The following EXOC2 variants were observed in gnomAD, a reference collection of about 807,000 sequenced individuals.
EXOC2 encodes SEC5-like 1.
A neutral mutation model predicts 131.8 loss-of-function variants in EXOC2; 70 were observed. The ratio of observed to expected loss-of-function variants is 0.53; its 90% CI spans 0.44 to 0.65. The LOEUF is 0.65. Among genes scored for constraint, EXOC2 ranks in the 30% least tolerant of loss-of-function variants. The probability of loss-of-function intolerance (pLI) is 0.00; values close to 1 mark genes in which losing one functional copy is unlikely to be tolerated. For synonymous variants in EXOC2, 411 were observed against 398.4 expected (o/e 1.03, Z -0.38); for missense variants, 923 against 1,108.6 (o/e 0.83, Z 2.38).
chr6:599,288 T>C, intron 7 of EXOC2, 63 bp from the exon 8 acceptor site: 1 of 1,455,738 alleles, frequency 6.9e-7, no homozygotes, highest in Non-Finnish European at 9.2e-7. Context: ...AATGTGTAAC[T>C]GGGCACTAGA....
At chr6:669,345 T>C (rs911261553) in intron 1 of EXOC2, 2 of 152,320 alleles carry the variant, frequency 1.3e-5, no homozygotes, top group East Asian at 1.9e-4. Context: ...ATTCTGCCGG[T>C]CCTAACCAAA....
Position 573,946 on chromosome 6 carries a change from C to T in EXOC2, c.1319-1302G>A, listed in dbSNP as rs540550041. ...TTCTCCCTCCCAACTGTTCTTTACA[C>T]GTTTTTGGTTTTTACACAAACGAAA... is the stretch of plus-strand genomic sequence containing the variant. On this transcript the variant is annotated intron_variant, in intron 12 of 27. Coordinates refer to ENST00000230449, the MANE Select transcript of EXOC2 (RefSeq NM_018303.6). 6.6e-5 allele frequency among the ~76,000 whole-genome samples: 10 copies of T among 152,264 alleles called. No individual in the cohort carries two copies. In the South Asian group the frequency reaches 1.0e-3, roughly 16 times the overall value.
Position 486,274 on chromosome 6 carries a change from T to G in EXOC2, c.*397A>C, listed in dbSNP as rs1226923199. On this transcript the variant is annotated 3_prime_UTR_variant, in exon 28 of 28. Coordinates refer to ENST00000230449, the MANE Select transcript of EXOC2 (RefSeq NM_018303.6). ...CATAGCTTTCCAAATCTCGTATCAG[T>G]CAGTCTCTCCGTGTGTCGTGGGAGC... 1 of 165,934 alleles carries G rather than the reference T, an allele frequency of 6.0e-6. No homozygotes were observed. The highest frequency in any genetic ancestry group is 2.4e-5 in the African/African-American group (1 of 41,832). The allele number at this position is 165,934 out of a possible 1,614,324, so 10.3% of individuals were successfully genotyped here. A position where few individuals can be genotyped will look rare whatever the true frequency, so the allele number is the denominator to read the frequency against.
chr6:557,087 G>A (rs569176668), intron 17 of EXOC2, among the ~76,000 whole-genome samples: 1 of 152,120 alleles, frequency 6.6e-6, no homozygotes, highest in Non-Finnish European at 1.5e-5. Context: ...CTGAAAATAT[G>A]CCCAACCAAT....
intron 1 of EXOC2, among the ~76,000 whole-genome samples, chr6:653,790 C>A (rs968827028): frequency 3.9e-5 from 6 of 152,184 alleles, no homozygotes; most frequent in Non-Finnish European, 8.8e-5. Flanking sequence ...GAAGAAGATG[C>A]CATCTAGGAC....
intron 25 of EXOC2, among the ~76,000 whole-genome samples, chr6:492,997 C>T (rs554126531): frequency 6.6e-6 from 1 of 152,300 alleles, no homozygotes; most frequent in South Asian, 2.1e-4. Flanking sequence ...AAGTCAGTTT[C>T]CTGGGAGCTC....
At chr6:571,886 T>C (rs1581465117) in intron 13 of EXOC2, among the ~76,000 whole-genome samples, 1 of 152,354 alleles carries the variant, frequency 6.6e-6, no homozygotes, top group East Asian at 1.9e-4. Flanking sequence ...GAGGTGAGGT[T>C]AGAAAGTGAC....
At chr6:581,479 G>C (rs983989880) in intron 11 of EXOC2, among the ~76,000 whole-genome samples, 2 of 152,164 alleles carry the variant, frequency 1.3e-5, no homozygotes, top group Non-Finnish European at 2.9e-5. Context: ...AATAACTACA[G>C]ATTACTCTGA....
At chr6:513,366 T>C (rs1178276793) in intron 23 of EXOC2, among the ~76,000 whole-genome samples, 1 of 152,154 alleles carries the variant, frequency 6.6e-6, no homozygotes, top group Non-Finnish European at 1.5e-5. Context: ...TAGCAGAATA[T>C]GAAAAAGGAA....
At chr6:670,001 T>C (rs1439402141) in intron 1 of EXOC2, 1 of 152,214 alleles carries the variant, frequency 6.6e-6, no homozygotes, top group Non-Finnish European at 1.5e-5. Context: ...GATATATACC[T>C]ACTTTGGAAG....
At chr6:623,291 T>C (rs1431519761) in intron 4 of EXOC2, among the ~76,000 whole-genome samples, 1 of 152,202 alleles carries the variant, frequency 6.6e-6, no homozygotes, top group Non-Finnish European at 1.5e-5. Flanking sequence ...CCTACCCGGA[T>C]GCGTCGTTCC....
chr6:671,709 T>A (rs1763878905), intron 1 of EXOC2, among the ~76,000 whole-genome samples: 1 of 152,210 alleles, frequency 6.6e-6, no homozygotes, highest in South Asian at 2.1e-4. Flanking sequence ...TTTCACTGGA[T>A]ACGGAATTCT....
intron 26 of EXOC2, 123 bp from the exon 27 acceptor site, chr6:489,161 A>G (rs1158805599): frequency 7.8e-6 from 7 of 893,984 alleles, no homozygotes; most frequent in Non-Finnish European, 1.2e-5. Flanking sequence ...AATATGAGAA[A>G]AAGTAAAAGT....
intron 13 of EXOC2, among the ~76,000 whole-genome samples, chr6:571,156 C>A (rs944392720): frequency 6.6e-6 from 1 of 152,200 alleles, no homozygotes; most frequent in Non-Finnish European, 1.5e-5. Context: ...AGAACTTCCT[C>A]TGTATAGTCA....
At chr6:574,293 T>C (rs1468789024) in intron 12 of EXOC2, among the ~76,000 whole-genome samples, 2 of 152,200 alleles carry the variant, frequency 1.3e-5, no homozygotes, top group Admixed American at 6.5e-5. Flanking sequence ...TTGATAGATA[T>C]TATTGAACTG....
At chr6:596,148 G>A (rs1759807545) in intron 10 of EXOC2, among the ~76,000 whole-genome samples, 1 of 151,846 alleles carries the variant, frequency 6.6e-6, no homozygotes, top group African/African-American at 2.4e-5. Context: ...TGAGCATGCT[G>A]CACACGTGCA....
At chr6:551,583 C>A (rs942773989) in intron 21 of EXOC2, among the ~76,000 whole-genome samples, 1 of 152,116 alleles carries the variant, frequency 6.6e-6, no homozygotes, top group Non-Finnish European at 1.5e-5. Flanking sequence ...GGAAGAGGCA[C>A]AAGAGCAGGA....
At chr6:505,280 C>A (rs1435318497) in intron 23 of EXOC2, among the ~76,000 whole-genome samples, 1 of 152,260 alleles carries the variant, frequency 6.6e-6, no homozygotes, top group Non-Finnish European at 1.5e-5. Flanking sequence ...TCTCACCATA[C>A]TTTGCACTGG....
intron 26 of EXOC2, among the ~76,000 whole-genome samples, chr6:489,610 G>T (rs1220206498): frequency 6.6e-6 from 1 of 152,118 alleles, no homozygotes; most frequent in African/African-American, 2.4e-5. Flanking sequence ...GAAAACTGTG[G>T]GATGTTTAGC....
Sources: gnomAD v4.1 joint callset for allele counts (sites outside exome capture counted in the v4.1 genomes callset) on GRCh38, gnomAD v4.1.1 for gene constraint, MANE v1.5 for transcripts, NCBI Gene and HGNC (gene_info 2026-07-23, HGNC 2026-07-21) for gene names.